The following ASZ1 variants were observed in gnomAD, a reference collection of about 807,000 sequenced individuals.
ASZ1 encodes ankyrin repeat, SAM and basic leucine zipper domain containing 1.
In ASZ1, 67 loss-of-function variants were observed where a neutral mutation model predicts 61.8. That is an observed-to-expected ratio of 1.08 (90% confidence interval 0.89 to 1.33). The LOEUF is 1.33. Among genes scored for constraint, ASZ1 ranks in the 40% most tolerant of loss-of-function variants. ASZ1 has a pLI of 0.00. For missense variants in ASZ1, 577 were observed against 554.5 expected (o/e 1.04, Z -0.41); for synonymous variants, 193 against 192.7 (o/e 1.00, Z -0.01).
At position 117,385,796 on chromosome 7, in the gene ASZ1, G is replaced by C. The variant is rs199851030; in HGVS notation, c.454C>G (p.Pro152Ala). The C allele has an allele frequency of 2.0e-5, 33 of 1,612,496 alleles. No individual in the cohort carries two copies. The East Asian group carries it at 3.8e-4, about 19-fold the overall frequency. Residue 152 changes from proline (P) to alanine (A), a missense_variant, in exon 5 of 13, where the codon CCA becomes GCA. By Grantham distance (27) the Pro-to-Ala change is conservative. Coordinates refer to ENST00000284629, the MANE Select transcript of ASZ1 (RefSeq NM_130768.3). The stretch of plus-strand genomic sequence containing the variant: ...CCATCTCGAGCAGCATACATGATTG[G>C]GGTCATAAGTCTCCTAAGGAGGAGG... ...PNVACRRLMT[P>A]IMYAARDGHT...
At chr7:117,421,431 T>A (rs1170769082) in intron 3 of ASZ1, among the ~76,000 whole-genome samples, 1 of 152,142 alleles carries the variant, frequency 6.6e-6, no homozygotes. Context: ...TCCAGGCTGA[T>A]CTTGAACTCC....
At chr7:117,420,056 T>C in intron 4 of ASZ1, 107 bp downstream of exon 4, 1 of 692,758 alleles carries the variant, frequency 1.4e-6, no homozygotes, top group South Asian at 2.2e-5. Context: ...CTATTTTCAT[T>C]CATCAACTAT....
In ASZ1 at chr7:117,407,799, T is replaced by C. The variant is rs145760926; in HGVS notation, c.440+12364A>G. 4.6e-5 allele frequency among the ~76,000 whole-genome samples: 7 copies of C among 152,304 alleles called. No individual in the cohort carries two copies. In the East Asian group the frequency reaches 1.4e-3, roughly 29 times the overall value. ...AGCTACTTTGACCTTCTGTAATGTA[T>C]ACACAATACATTAGAAGGAGGATCA... On this transcript the variant is annotated intron_variant, in intron 4 of 12. Coordinates refer to ENST00000284629, the MANE Select transcript of ASZ1 (RefSeq NM_130768.3).
chr7:117,373,835 A>G (rs1298313151), intron 10 of ASZ1, among the ~76,000 whole-genome samples: 1 of 152,160 alleles, frequency 6.6e-6, no homozygotes, highest in Non-Finnish European at 1.5e-5. Flanking sequence ...TCATACAAAT[A>G]AGTTATATAA....
chr7:117,393,762 T>G (rs1352018844), intron 4 of ASZ1, among the ~76,000 whole-genome samples: 1 of 152,192 alleles, frequency 6.6e-6, no homozygotes, highest in East Asian at 1.9e-4. Flanking sequence ...TTGCACTTTC[T>G]GTTTATCATG....
intron 12 of ASZ1, among the ~76,000 whole-genome samples, chr7:117,364,044 A>T (rs986769077): frequency 6.6e-6 from 1 of 152,222 alleles, no homozygotes; most frequent in Non-Finnish European, 1.5e-5. Flanking sequence ...CTTTAAATTT[A>T]AAGTTTCTGT....
chr7:117,366,488 T>C (rs1584714571), intron 12 of ASZ1, among the ~76,000 whole-genome samples: 1 of 152,160 alleles, frequency 6.6e-6, no homozygotes, highest in South Asian at 2.1e-4. Context: ...ATCAAATTTA[T>C]GTATTAAACA....
At chr7:117,426,112 G>C (rs182617669) in intron 2 of ASZ1, among the ~76,000 whole-genome samples, 13 of 152,160 alleles carry the variant, frequency 8.5e-5, no homozygotes, top group African/African-American at 2.9e-4. Flanking sequence ...CTGATTCCTA[G>C]CTCAGGCCTC....
intron 4 of ASZ1, among the ~76,000 whole-genome samples, chr7:117,387,654 C>G (rs140037647): frequency 1.7e-3 from 258 of 152,254 alleles, no homozygotes; most frequent in African/African-American, 6.0e-3. Context: ...CACTTTTCAT[C>G]ACCTCATTAG....
intron 2 of ASZ1, among the ~76,000 whole-genome samples, chr7:117,426,367 G>C (rs184464403): frequency 2.7e-5 from 4 of 150,444 alleles, no homozygotes; most frequent in Admixed American, 6.6e-5. Flanking sequence ...TCACGCGCTT[G>C]TAGTCCCAGC....
chr7:117,402,686 G>C (rs1179588311), intron 4 of ASZ1, among the ~76,000 whole-genome samples: 1 of 152,118 alleles, frequency 6.6e-6, no homozygotes, highest in Non-Finnish European at 1.5e-5. Flanking sequence ...GCCAAATGGG[G>C]AATAAAAGGA....
intron 4 of ASZ1, among the ~76,000 whole-genome samples, chr7:117,407,731 G>C (rs1181429121): frequency 6.6e-6 from 1 of 152,150 alleles, no homozygotes; most frequent in Non-Finnish European, 1.5e-5. Flanking sequence ...CCTATGTGAA[G>C]AGATGAAGCA....
At chr7:117,405,851 C>G (rs1796772502) in intron 4 of ASZ1, among the ~76,000 whole-genome samples, 1 of 152,228 alleles carries the variant, frequency 6.6e-6, no homozygotes. Context: ...AAAACTGCAA[C>G]TATTTCTAAG....
At chr7:117,390,844 C>T (rs1209620805) in intron 4 of ASZ1, among the ~76,000 whole-genome samples, 1 of 152,124 alleles carries the variant, frequency 6.6e-6, no homozygotes, top group Non-Finnish European at 1.5e-5. Flanking sequence ...GCTGGGATTA[C>T]AGGCGCCTGC....
At chr7:117,416,560 G>GA (rs1286533507) in intron 4 of ASZ1, among the ~76,000 whole-genome samples, 1 of 152,146 alleles carries the variant, frequency 6.6e-6, no homozygotes, top group Non-Finnish European at 1.5e-5. Flanking sequence ...TTCTAGAACA[G>GA]AAAAAATTTA....
intron 10 of ASZ1, among the ~76,000 whole-genome samples, chr7:117,374,449 A>G (rs1009408733): frequency 5.3e-5 from 8 of 152,108 alleles, no homozygotes; most frequent in African/African-American, 1.9e-4. Context: ...TAGCCAGGTA[A>G]GGGAACCACT....
chr7:117,412,980 C>G (rs934849188), intron 4 of ASZ1, among the ~76,000 whole-genome samples: 19 of 151,652 alleles, frequency 1.3e-4, no homozygotes, highest in Non-Finnish European at 2.5e-4. Flanking sequence ...TTTTTCAGAC[C>G]TACAGGTGAT....
chr7:117,363,797 T>G, intron 12 of ASZ1, 49 bp from the exon 13 acceptor site: 1 of 1,349,330 alleles, frequency 7.4e-7, no homozygotes, highest in Non-Finnish European at 9.8e-7. Flanking sequence ...TACAATACAT[T>G]AATAAAACAT....
chr7:117,397,471 G>C (rs549072555), intron 4 of ASZ1, among the ~76,000 whole-genome samples: 16 of 152,136 alleles, frequency 1.1e-4, no homozygotes, highest in Non-Finnish European at 2.2e-4. Flanking sequence ...CAATCAAACT[G>C]TAAAGCTGAG....
Sources: gnomAD v4.1 joint callset for allele counts (sites outside exome capture counted in the v4.1 genomes callset) on GRCh38, gnomAD v4.1.1 for gene constraint, MANE v1.5 for transcripts, NCBI Gene and HGNC (gene_info 2026-07-23, HGNC 2026-07-21) for gene names.